The following SIPA1L1 variants were observed in gnomAD, a reference collection of about 807,000 sequenced individuals.
SIPA1L1 encodes the protein signal induced proliferation associated 1 like 1, also known as signal-induced proliferation-associated 1-like protein 1.
A neutral mutation model predicts 162.7 loss-of-function variants in SIPA1L1; 26 were observed. The ratio of observed to expected loss-of-function variants is 0.16; its 90% CI spans 0.12 to 0.22. SIPA1L1 has a LOEUF of 0.22. Among genes scored for constraint, SIPA1L1 ranks in the 10% least tolerant of loss-of-function variants. The pLI is 1.00. For missense variants in SIPA1L1, 1,874 were observed against 2,241.0 expected (o/e 0.84, Z 3.31); for synonymous variants, 829 against 837.4 (o/e 0.99, Z 0.17).
chr14:71,721,465 C>T (rs1179056531), intron 17 of SIPA1L1, among the ~76,000 whole-genome samples: 14 of 152,214 alleles, frequency 9.2e-5, no homozygotes, highest in Non-Finnish European at 2.1e-4. Flanking sequence ...ACTCAAGGCC[C>T]AGGGGCTGGT....
chr14:71,352,527 C>A (rs148771824), intron 2 of SIPA1L1, among the ~76,000 whole-genome samples: 100 of 152,236 alleles, frequency 6.6e-4, no homozygotes, highest in African/African-American at 2.3e-3. Context: ...GCTTCTTTTA[C>A]CAACATTGAT....
chr14:71,423,427 T>A (rs1445491982), intron 2 of SIPA1L1, among the ~76,000 whole-genome samples: 1 of 152,198 alleles, frequency 6.6e-6, no homozygotes, highest in Non-Finnish European at 1.5e-5. Context: ...GCTTCTACCT[T>A]ATGTTTTCCT....
intron 5 of SIPA1L1, among the ~76,000 whole-genome samples, chr14:71,594,016 G>A (rs758996765): frequency 6.6e-6 from 1 of 152,088 alleles, no homozygotes; most frequent in African/African-American, 2.4e-5. Context: ...ATATTCTTTG[G>A]ATAACTGTAA....
At chr14:71,700,712 T>C (rs910285159) in intron 14 of SIPA1L1, among the ~76,000 whole-genome samples, 4 of 152,146 alleles carry the variant, frequency 2.6e-5, no homozygotes, top group African/African-American at 9.7e-5. Flanking sequence ...AAGAGTTTTA[T>C]TGGCTGGTAC....
At chr14:71,354,750 T>G (rs2037079874) in intron 2 of SIPA1L1, among the ~76,000 whole-genome samples, 1 of 152,230 alleles carries the variant, frequency 6.6e-6, no homozygotes, top group African/African-American at 2.4e-5. Flanking sequence ...CTCTAAGTTT[T>G]CCTAAGCAAG....
intron 2 of SIPA1L1, among the ~76,000 whole-genome samples, chr14:71,450,216 A>G (rs999225730): frequency 2.6e-5 from 4 of 152,058 alleles, no homozygotes; most frequent in African/African-American, 9.7e-5. Flanking sequence ...ATGTAACTTT[A>G]TATTTAGATT....
intron 17 of SIPA1L1, among the ~76,000 whole-genome samples, chr14:71,722,390 G>A (rs376468259): frequency 1.3e-5 from 2 of 152,310 alleles, no homozygotes; most frequent in South Asian, 4.1e-4. Flanking sequence ...ATTTAGGTCA[G>A]GACGATTCAT....
intron 4 of SIPA1L1, 100 bp downstream of exon 4, chr14:71,529,470 A>G: frequency 1.9e-6 from 1 of 530,316 alleles, no homozygotes; most frequent in South Asian, 2.8e-5. Context: ...ATAGAAACAA[A>G]ATTTTAAAAA....
chr14:71,478,569 T>C (rs2048067992), intron 2 of SIPA1L1, among the ~76,000 whole-genome samples: 1 of 152,238 alleles, frequency 6.6e-6, no homozygotes, highest in Non-Finnish European at 1.5e-5. Context: ...TTTTTAGATA[T>C]GGATGTCTAA....
At chr14:71,392,061 G>A (rs1046863390) in intron 2 of SIPA1L1, among the ~76,000 whole-genome samples, 4 of 152,192 alleles carry the variant, frequency 2.6e-5, no homozygotes, top group Non-Finnish European at 5.9e-5. Context: ...TGGAGGAAGA[G>A]TATCCACCCA....
chr14:71,564,632 C>T (rs1374167456), intron 4 of SIPA1L1, among the ~76,000 whole-genome samples: 2 of 151,868 alleles, frequency 1.3e-5, no homozygotes, highest in Non-Finnish European at 2.9e-5. Context: ...GGATTACAGG[C>T]ATGTGCCACC....
intron 2 of SIPA1L1, among the ~76,000 whole-genome samples, chr14:71,401,447 C>T (rs779271602): frequency 6.7e-5 from 10 of 148,672 alleles, no homozygotes; most frequent in African/African-American, 1.0e-4. Flanking sequence ...AATTGTATGA[C>T]GTATTTTTCT....
chr14:71,479,610 A>G (rs1198073279), intron 2 of SIPA1L1, among the ~76,000 whole-genome samples: 2 of 151,818 alleles, frequency 1.3e-5, no homozygotes, highest in Non-Finnish European at 2.9e-5. Context: ...GTCTCACTAT[A>G]TTGCCCTGGC....
At chr14:71,737,789 G>T (rs2085432470) in intron 22 of SIPA1L1, among the ~76,000 whole-genome samples, 1 of 152,100 alleles carries the variant, frequency 6.6e-6, no homozygotes, top group Non-Finnish European at 1.5e-5. Context: ...ACACACTTGG[G>T]ACCAGAGACG....
rs1171332906 is a variant in SIPA1L1, at chr14:71,740,496, C to T, written c.*1335C>T. On this transcript the variant is annotated 3_prime_UTR_variant, in exon 24 of 24. Transcript: ENST00000381232. ...GCCTTCATAACTGTCACTAAACCGA[C>T]CCCTCTGCCCTTTCAGTGGCAACTC... is the stretch of plus-strand genomic sequence containing the variant. 6.6e-6 allele frequency: 1 copy of T among 152,180 alleles called. No homozygotes were observed. Among genetic ancestry groups the T allele is most frequent in the Non-Finnish European group, 1.5e-5 (1 of 68,052 alleles). The allele number at this position is 152,180 out of a possible 1,614,324, so 9.4% of individuals were successfully genotyped here.
chr14:71,550,002 T>G (rs1292182859), intron 4 of SIPA1L1, among the ~76,000 whole-genome samples: 2 of 114,896 alleles, frequency 1.7e-5, no homozygotes, highest in Admixed American at 9.6e-5. Context: ...CTCACACCTG[T>G]GATCCCAACA....
At chr14:71,488,676 T>C (rs989129894) in intron 2 of SIPA1L1, among the ~76,000 whole-genome samples, 7 of 152,210 alleles carry the variant, frequency 4.6e-5, no homozygotes, top group Non-Finnish European at 1.0e-4. Flanking sequence ...AAGAAAACTC[T>C]TTCTTCCTTG....
chr14:71,675,580 A>G (rs2045066562), intron 12 of SIPA1L1, among the ~76,000 whole-genome samples: 1 of 152,280 alleles, frequency 6.6e-6, no homozygotes, highest in South Asian at 2.1e-4. Context: ...TCAACAAAAT[A>G]GAATAATGCT....
intron 2 of SIPA1L1, among the ~76,000 whole-genome samples, chr14:71,479,165 ATTC>A (rs1170708312): frequency 1.3e-5 from 2 of 152,042 alleles, no homozygotes; most frequent in African/African-American, 2.4e-5. Flanking sequence ...CTTGAGATTC[ATTC>A]TTCTTCCCTA....
Sources: gnomAD v4.1 joint callset for allele counts (sites outside exome capture counted in the v4.1 genomes callset) on GRCh38, gnomAD v4.1.1 for gene constraint, MANE v1.5 for transcripts, NCBI Gene and HGNC (gene_info 2026-07-23, HGNC 2026-07-21) for gene names.